The following ELMO1 variants were observed in gnomAD, a reference collection of about 807,000 sequenced individuals.
ELMO1 encodes the protein engulfment and cell motility protein 1.
In ELMO1, 26 loss-of-function variants were observed where a neutral mutation model predicts 98.9. That is an observed-to-expected ratio of 0.26 (90% CI 0.19 to 0.36). The LOEUF is 0.36. ELMO1 is among the 10% of genes least tolerant of loss of function. The probability of loss-of-function intolerance (pLI) is 1.00; values close to 1 mark genes in which losing one functional copy is unlikely to be tolerated. For synonymous variants in ELMO1, 346 were observed against 346.0 expected (o/e 1.00, Z 0.00); for missense variants, 627 against 935.2 (o/e 0.67, Z 4.30).
chr7:37,319,917 CT>C (rs1444547680), intron 2 of ELMO1, among the ~76,000 whole-genome samples: 1 of 152,042 alleles, frequency 6.6e-6, no homozygotes, highest in African/African-American at 2.4e-5. Flanking sequence ...CAAAATTAGA[CT>C]TTCCCCACAA....
At position 37,115,847 on chromosome 7, in the gene ELMO1, A is replaced by T. The variant is rs570787051; in HGVS notation, c.1191+17283T>A. Among the ~76,000 whole-genome samples the T allele has an allele frequency of 2.6e-4, 39 of 152,310 alleles. 2 individuals are homozygous for T. In the South Asian group the frequency reaches 8.1e-3, roughly 32 times the overall value. Reference sequence around the variant, plus strand: ...ATTGTCTATGTAGAAAATTCCAAGGAATTAATACATAAAATCTTGGAACTA... The same window carrying T: ...ATTGTCTATGTAGAAAATTCCAAGGTATTAATACATAAAATCTTGGAACTA... On this transcript the variant is annotated intron_variant, in intron 14 of 21. Coordinates refer to ENST00000310758, the MANE Select transcript of ELMO1 (RefSeq NM_014800.11).
At chr7:37,250,360 A>G (rs1795275414) in intron 6 of ELMO1, among the ~76,000 whole-genome samples, 1 of 152,234 alleles carries the variant, frequency 6.6e-6, no homozygotes, top group African/African-American at 2.4e-5. Context: ...AAGCCTGTGC[A>G]TATGTGTGTA....
At chr7:37,114,054 G>A (rs376907216) in intron 14 of ELMO1, among the ~76,000 whole-genome samples, 13 of 152,356 alleles carry the variant, frequency 8.5e-5, no homozygotes, top group African/African-American at 1.9e-4. Context: ...ATAGAAGGAC[G>A]TAAGGCTGGA....
chr7:36,868,242 T>C (rs960645734), intron 20 of ELMO1, among the ~76,000 whole-genome samples: 2 of 152,238 alleles, frequency 1.3e-5, no homozygotes, highest in Admixed American at 1.3e-4. Context: ...GACATCTGAC[T>C]TTCCACATTC....
intron 6 of ELMO1, among the ~76,000 whole-genome samples, chr7:37,246,004 C>A (rs996524848): frequency 3.9e-5 from 6 of 152,118 alleles, no homozygotes; most frequent in Admixed American, 1.3e-4. Flanking sequence ...TGGGGAAAAA[C>A]ACACGAATCT....
chr7:37,024,130 T>A (rs774298781), intron 15 of ELMO1, among the ~76,000 whole-genome samples: 3 of 152,114 alleles, frequency 2.0e-5, no homozygotes, highest in Non-Finnish European at 2.9e-5. Flanking sequence ...CATTATTCCA[T>A]CTGTCGGTCG....
chr7:37,444,818 G>A (rs1805544554), intron 1 of ELMO1, among the ~76,000 whole-genome samples: 1 of 152,188 alleles, frequency 6.6e-6, no homozygotes. Flanking sequence ...CCGGCCAATA[G>A]TAGCATTTTG....
At chr7:37,067,538 TTCA>T (rs199538541) in intron 15 of ELMO1, among the ~76,000 whole-genome samples, 2,154 of 152,320 alleles carry the variant, frequency 0.014, 18 homozygotes, top group Middle Eastern at 0.044. Context: ...AGTCATCTGT[TTCA>T]TCATCAGGAA....
intron 15 of ELMO1, among the ~76,000 whole-genome samples, chr7:37,044,835 C>T (rs1319315613): frequency 6.6e-6 from 1 of 152,224 alleles, no homozygotes; most frequent in East Asian, 1.9e-4. Context: ...CTCCCCTTCC[C>T]TAGTCTTCCC....
chr7:36,984,882 C>T lies in ELMO1; in HGVS notation c.1437+28417G>A, dbSNP rs938279481. On this transcript the variant is annotated intron_variant, in intron 16 of 21. Coordinates refer to ENST00000310758, the MANE Select transcript of ELMO1 (RefSeq NM_014800.11). Reference sequence around the variant, plus strand: ...AGAGATAGAAGCCCCAACTTCAGCCCCCACTCTCTGCAACCCAAGCCAATG... The same window carrying T: ...AGAGATAGAAGCCCCAACTTCAGCCTCCACTCTCTGCAACCCAAGCCAATG... The T allele has an allele frequency of 1.0e-5, 10 of 983,838 alleles. No homozygotes were observed. The African/African-American group carries it at 1.0e-4, about 10-fold the overall frequency. The allele number at this position is 983,838 out of a possible 1,614,324, so 60.9% of individuals were successfully genotyped here.
At chr7:37,232,953 T>A in intron 8 of ELMO1, 142 bp downstream of exon 8, 1 of 748,304 alleles carries the variant, frequency 1.3e-6, no homozygotes, top group South Asian at 2.0e-5. Context: ...GACCCCCACA[T>A]ACATAATATT....
intron 16 of ELMO1, among the ~76,000 whole-genome samples, chr7:36,976,528 T>C (rs1435634953): frequency 6.6e-6 from 1 of 152,236 alleles, no homozygotes; most frequent in Non-Finnish European, 1.5e-5. Flanking sequence ...CCAAGAGAAG[T>C]ATCCCATTGG....
chr7:37,329,819 A>T (rs1800007637), intron 2 of ELMO1, among the ~76,000 whole-genome samples: 1 of 152,180 alleles, frequency 6.6e-6, no homozygotes, highest in South Asian at 2.1e-4. Context: ...CTGTCAAATT[A>T]GTCTTCCCAT....
At chr7:36,895,112 C>A in intron 16 of ELMO1, 95 bp from the exon 17 acceptor site, 1 of 1,427,280 alleles carries the variant, frequency 7.0e-7, no homozygotes. Flanking sequence ...TTCCCTGGTG[C>A]CCTCTGCACG....
chr7:36,960,737 C>A (rs1223126777), intron 16 of ELMO1, among the ~76,000 whole-genome samples: 1 of 152,074 alleles, frequency 6.6e-6, no homozygotes, highest in Non-Finnish European at 1.5e-5. Context: ...ATTCAACAAA[C>A]TGAAAATAGT....
At chr7:36,965,429 T>C (rs1562862286) in intron 16 of ELMO1, among the ~76,000 whole-genome samples, 2 of 152,192 alleles carry the variant, frequency 1.3e-5, no homozygotes, top group African/African-American at 2.4e-5. Context: ...TCCCAGAAGA[T>C]TGTTTTCGGA....
intron 13 of ELMO1, among the ~76,000 whole-genome samples, chr7:37,178,071 T>C (rs1214796004): frequency 6.6e-6 from 1 of 151,798 alleles, no homozygotes; most frequent in Admixed American, 6.6e-5. Context: ...TCGGTGTGTC[T>C]GTGAGTGTGT....
intron 6 of ELMO1, among the ~76,000 whole-genome samples, chr7:37,249,807 G>A (rs1031560904): frequency 2.6e-5 from 4 of 152,198 alleles, no homozygotes; most frequent in Non-Finnish European, 4.4e-5. Flanking sequence ...AGCCAGGCCC[G>A]GTAGCTCACA....
At chr7:37,441,742 GT>G (rs1805425145) in intron 1 of ELMO1, among the ~76,000 whole-genome samples, 1 of 152,206 alleles carries the variant, frequency 6.6e-6, no homozygotes. Flanking sequence ...TAGTTACAGT[GT>G]TTTTCAGCCA....
Sources: gnomAD v4.1 joint callset for allele counts (sites outside exome capture counted in the v4.1 genomes callset) on GRCh38, gnomAD v4.1.1 for gene constraint, MANE v1.5 for transcripts, NCBI Gene and HGNC (gene_info 2026-07-23, HGNC 2026-07-21) for gene names.